Variants in DPP6 observed in about 807,000 individuals in gnomAD.
DPP6 encodes dipeptidyl peptidase like 6, also known as A-type potassium channel modulatory protein DPP6.
In DPP6, 69 loss-of-function variants were observed where a neutral mutation model predicts 122.6. The observed-to-expected ratio is 0.56, with a 90% CI of 0.46 to 0.69. The LOEUF is 0.69. DPP6 is among the 30% of genes least tolerant of loss of function. The probability of loss-of-function intolerance (pLI) is 0.00; values close to 1 mark genes in which losing one functional copy is unlikely to be tolerated. For synonymous variants in DPP6, 418 were observed against 433.1 expected (o/e 0.97, Z 0.43); for missense variants, 928 against 1,116.9 (o/e 0.83, Z 2.41).
chr7:154,123,493 G>C (rs546659852), intron 1 of DPP6, among the ~76,000 whole-genome samples: 1 of 152,118 alleles, frequency 6.6e-6, no homozygotes, highest in Non-Finnish European at 1.5e-5. Context: ...TTTACTTCCT[G>C]ATAGCTTGCT....
At chr7:154,820,236 G>A (rs939466373) in intron 16 of DPP6, among the ~76,000 whole-genome samples, 7 of 152,180 alleles carry the variant, frequency 4.6e-5, no homozygotes, top group African/African-American at 1.4e-4. Flanking sequence ...CAGACCGAGC[G>A]CCTGGGAAGG....
intron 1 of DPP6, among the ~76,000 whole-genome samples, chr7:154,162,227 C>T (rs1486469098): frequency 1.3e-5 from 2 of 151,546 alleles, no homozygotes. Flanking sequence ...GCCAGGGCCT[C>T]ATCTGAGTGG....
intron 3 of DPP6, chr7:154,476,023 G>C (rs10237228): frequency 6.6e-6 from 1 of 152,050 alleles, no homozygotes; most frequent in Non-Finnish European, 1.5e-5. Flanking sequence ...ATCGAGTGTC[G>C]TTGTATGTTT....
intron 1 of DPP6, among the ~76,000 whole-genome samples, chr7:154,251,497 T>G (rs1423375913): frequency 6.6e-6 from 1 of 152,028 alleles, no homozygotes; most frequent in Non-Finnish European, 1.5e-5. Flanking sequence ...AAAAGGGAGT[T>G]AATTAAGGAG....
intron 1 of DPP6, among the ~76,000 whole-genome samples, chr7:154,332,073 C>CTT (rs5888570): frequency 3.2e-4 from 45 of 141,956 alleles, no homozygotes; most frequent in African/African-American, 9.7e-4. Flanking sequence ...GCTTTTTAAA[C>CTT]TTTTTTTTTT....
chr7:153,755,111 T>C, the DPP6 span, among the ~76,000 whole-genome samples: 9 of 152,164 alleles, frequency 5.9e-5, no homozygotes, highest in Non-Finnish European at 1.2e-4. Context: ...ATCATGCTTG[T>C]TGTGGAAACT....
At chr7:154,413,556 G>A (rs772411314) in intron 1 of DPP6, among the ~76,000 whole-genome samples, 4 of 152,264 alleles carry the variant, frequency 2.6e-5, no homozygotes, top group Non-Finnish European at 4.4e-5. Flanking sequence ...TCAAAGCTAC[G>A]TTTTAACAAC....
At chr7:153,845,305 C>G in the DPP6 span, among the ~76,000 whole-genome samples, 1 of 152,006 alleles carries the variant, frequency 6.6e-6, no homozygotes, top group Non-Finnish European at 1.5e-5. Flanking sequence ...GTTTAAAGGA[C>G]TGAATTCATG....
At chr7:154,796,898 T>C (rs750738981) in intron 12 of DPP6, among the ~76,000 whole-genome samples, 25 of 152,200 alleles carry the variant, frequency 1.6e-4, no homozygotes, top group Admixed American at 3.9e-4. Flanking sequence ...GTCAATCTTA[T>C]TCACAAGAGG....
intron 1 of DPP6, among the ~76,000 whole-genome samples, chr7:154,152,263 C>T (rs1796462981): frequency 6.6e-6 from 1 of 152,068 alleles, no homozygotes; most frequent in Admixed American, 6.6e-5. Flanking sequence ...TCACAGGAGG[C>T]AGCTGCTGCC....
At chr7:153,850,411 A>G in the DPP6 span, among the ~76,000 whole-genome samples, 1 of 152,210 alleles carries the variant, frequency 6.6e-6, no homozygotes, top group Non-Finnish European at 1.5e-5. Flanking sequence ...CTGCAGAGCC[A>G]GCAAGGGAGC....
intron 12 of DPP6, among the ~76,000 whole-genome samples, chr7:154,801,150 T>A (rs536708784): frequency 6.6e-6 from 1 of 152,074 alleles, no homozygotes; most frequent in Non-Finnish European, 1.5e-5. Flanking sequence ...TCTTAATTCC[T>A]CCATCTTCTT....
chr7:153,912,167 T>A (rs1800118221), intron 1 of DPP6, among the ~76,000 whole-genome samples: 1 of 152,232 alleles, frequency 6.6e-6, no homozygotes, highest in Non-Finnish European at 1.5e-5. Context: ...TTCATATCAG[T>A]TCCTGTAATT....
At chr7:154,543,995 A>G (rs1178741459) in intron 4 of DPP6, among the ~76,000 whole-genome samples, 2 of 142,906 alleles carry the variant, frequency 1.4e-5, no homozygotes, top group East Asian at 4.3e-4. Flanking sequence ...CTCCATCTCA[A>G]AAAAAAAAAA....
intron 1 of DPP6, among the ~76,000 whole-genome samples, chr7:154,369,214 C>A: frequency 6.6e-6 from 1 of 152,194 alleles, no homozygotes. Context: ...CCTGCCTCAG[C>A]CTCCCAAATA....
At chr7:154,652,046 T>C (rs926268921) in intron 6 of DPP6, among the ~76,000 whole-genome samples, 5 of 152,152 alleles carry the variant, frequency 3.3e-5, no homozygotes, top group Admixed American at 6.5e-5. Flanking sequence ...CTGTAGTGCG[T>C]GGAAGAGGAG....
chr7:154,155,202 C>T (rs1216713626), intron 1 of DPP6, among the ~76,000 whole-genome samples: 1 of 152,178 alleles, frequency 6.6e-6, no homozygotes, highest in Admixed American at 6.5e-5. Flanking sequence ...CCTGTGTTTC[C>T]CATCCCAGTG....
intron 13 of DPP6, among the ~76,000 whole-genome samples, chr7:154,802,090 T>C (rs1228032765): frequency 6.6e-6 from 1 of 152,022 alleles, no homozygotes; most frequent in Non-Finnish European, 1.5e-5. Flanking sequence ...AGGACGGGGC[T>C]GCCATGGTGT....
chr7:153,815,690 T>C, the DPP6 span, among the ~76,000 whole-genome samples: 3 of 149,620 alleles, frequency 2.0e-5, no homozygotes, highest in African/African-American at 7.5e-5. Context: ...AAGATAACCT[T>C]GTACAGCTTC....
Sources: allele counts gnomAD v4.1 joint callset (sites outside exome capture counted in the v4.1 genomes callset), GRCh38; gene constraint gnomAD v4.1.1; transcripts MANE v1.5; gene names NCBI Gene and HGNC (gene_info 2026-07-23, HGNC 2026-07-21).